The following RASGEF1C variants were observed in gnomAD, a reference collection of about 807,000 sequenced individuals.
RASGEF1C encodes the protein RasGEF domain family member 1C, also known as ras-GEF domain-containing family member 1C.
Under a neutral mutation model 58.1 loss-of-function variants are expected in RASGEF1C, and 27 were observed. The ratio of observed to expected loss-of-function variants is 0.46; its 90% CI spans 0.34 to 0.64. The LOEUF (loss-of-function observed/expected upper bound fraction) is 0.64. Among genes scored for constraint, RASGEF1C ranks in the 30% least tolerant of loss-of-function variants. The probability of loss-of-function intolerance (pLI) is 0.01; values close to 1 mark genes in which losing one functional copy is unlikely to be tolerated. For synonymous variants in RASGEF1C, 243 were observed against 246.3 expected (o/e 0.99, Z 0.13); for missense variants, 502 against 605.1 (o/e 0.83, Z 1.79).
chr5:180,203,406 G>A (rs1258067604), intron 1 of RASGEF1C, among the ~76,000 whole-genome samples: 1 of 152,234 alleles, frequency 6.6e-6, no homozygotes, highest in African/African-American at 2.4e-5. Context: ...GGAACTGGGG[G>A]TGACCCTAAC....
intron 11 of RASGEF1C, among the ~76,000 whole-genome samples, chr5:180,114,048 G>A (rs1161489300): frequency 6.6e-6 from 1 of 152,126 alleles, no homozygotes; most frequent in Admixed American, 6.5e-5. Flanking sequence ...CTCTGGCCTC[G>A]GCCTGATAGC....
At position 180,118,648 on chromosome 5, in the gene RASGEF1C, C is replaced by T. The variant is rs201724936; in HGVS notation, c.1044G>A (p.Ala348=). 353 of 1,613,624 alleles carry T rather than the reference C, an allele frequency of 2.2e-4. 1 individual carries two copies. Among genetic ancestry groups the T allele is most frequent in the Non-Finnish European group, 2.7e-4 (318 of 1,179,846 alleles). The change falls in exon 10 of 14, where the codon GCG becomes GCA. Residue 348 remains alanine (A), a synonymous_variant. Coordinates refer to ENST00000361132, the MANE Select transcript of RASGEF1C (RefSeq NM_175062.4). ...FCNYRTALRG[A]AHRSLTAHSS... ...TGTGGGCCGTCAGGGAGCGGTGGGC[C>T]GCCCCGCGCAGGGCTGTCCTGTAGT...
chr5:180,112,930 ATGGACGGAGGGACCGG>A (rs1765984209), intron 11 of RASGEF1C, among the ~76,000 whole-genome samples: 2 of 118,410 alleles, frequency 1.7e-5, no homozygotes, highest in African/African-American at 3.4e-5. Flanking sequence ...GGGATCCGGG[ATGGACGGAGGGACCGG>A]GGATGGACGG....
chr5:180,128,711 C>T (rs2113266891), intron 4 of RASGEF1C, 101 bp from the exon 5 acceptor site: 1 of 1,194,510 alleles, frequency 8.4e-7, no homozygotes, highest in South Asian at 1.3e-5. Context: ...AGGGTCTTTT[C>T]CTCAGGGTCT....
rs373871850 is a variant in RASGEF1C, at chr5:180,101,452, G to A, written c.*49C>T. On this transcript the variant is annotated 3_prime_UTR_variant, in exon 14 of 14. Coordinates refer to ENST00000361132, the MANE Select transcript of RASGEF1C (RefSeq NM_175062.4). Reference sequence around the variant, plus strand: ...ACTGGGCCACTGAGGCAGGGCTGTGGACGGCTTCTGCGGGCTCCAGCTCTT... The same window carrying A: ...ACTGGGCCACTGAGGCAGGGCTGTGAACGGCTTCTGCGGGCTCCAGCTCTT... 5.0e-6 allele frequency: 8 copies of A among 1,604,076 alleles called. No homozygotes were observed. The highest frequency in any genetic ancestry group is 5.1e-6 in the Non-Finnish European group (6 of 1,178,838).
chr5:180,163,231 C>CATTTTTTTTT, intron 1 of RASGEF1C, among the ~76,000 whole-genome samples: 1 of 19,458 alleles, frequency 5.1e-5, no homozygotes, highest in Non-Finnish European at 1.4e-4. Flanking sequence ...CACCCCCTCA[C>CATTTTTTTTT]TTTTTTTTTT....
chr5:180,149,078 CTTTTTTTTTCTTTTTTTTTTTTT>C (rs984821951), intron 1 of RASGEF1C, among the ~76,000 whole-genome samples: 1 of 97,154 alleles, frequency 1.0e-5, no homozygotes. Flanking sequence ...TTTTTCTTTT[CTTTTTTTTTCTTTTTTTTTTTTT>C]TTTTTGAGAC....
intron 13 of RASGEF1C, 94 bp downstream of exon 13, chr5:180,101,977 A>C (rs1765793211): frequency 6.9e-6 from 6 of 867,896 alleles, no homozygotes; most frequent in Non-Finnish European, 1.2e-5. Flanking sequence ...TCCTGGTCCC[A>C]AGCAGTCCCC....
At chr5:180,193,976 G>T (rs1756215904) in intron 1 of RASGEF1C, among the ~76,000 whole-genome samples, 1 of 149,134 alleles carries the variant, frequency 6.7e-6, no homozygotes, top group Non-Finnish European at 1.5e-5. Context: ...GGTGTGTGGT[G>T]ATTCACACTC....
intron 1 of RASGEF1C, among the ~76,000 whole-genome samples, chr5:180,200,880 C>T (rs1007914254): frequency 6.6e-6 from 1 of 151,972 alleles, no homozygotes; most frequent in Non-Finnish European, 1.5e-5. Context: ...GGTGAGGGCT[C>T]AGGGAGAGGC....
chr5:180,135,013 A>C (rs1766445487), intron 4 of RASGEF1C, among the ~76,000 whole-genome samples: 1 of 147,506 alleles, frequency 6.8e-6, no homozygotes, highest in Admixed American at 7.0e-5. Flanking sequence ...CCAGCCGGCC[A>C]GCCAGCACCC....
At chr5:180,195,739 T>C (rs1756262239) in intron 1 of RASGEF1C, among the ~76,000 whole-genome samples, 9 of 149,776 alleles carry the variant, frequency 6.0e-5, no homozygotes, top group Admixed American at 5.4e-4. Context: ...CACTCCAGCC[T>C]GGGCGACAGA....
intron 1 of RASGEF1C, among the ~76,000 whole-genome samples, chr5:180,142,649 G>A (rs557186109): frequency 4.6e-5 from 7 of 152,254 alleles, no homozygotes; most frequent in Admixed American, 4.6e-4. Flanking sequence ...TGAACACACG[G>A]TCATAACACA....
At chr5:180,117,499 A>G (rs1390331871) in intron 10 of RASGEF1C, among the ~76,000 whole-genome samples, 1 of 152,224 alleles carries the variant, frequency 6.6e-6, no homozygotes, top group African/African-American at 2.4e-5. Context: ...CGGGCCTTCA[A>G]AGGTACAACA....
At chr5:180,104,637 A>G (rs914664224) in intron 12 of RASGEF1C, among the ~76,000 whole-genome samples, 2 of 152,196 alleles carry the variant, frequency 1.3e-5, no homozygotes, top group Non-Finnish European at 2.9e-5. Context: ...CACTTTCTGG[A>G]AGAGATTGTG....
At chr5:180,104,760 G>A (rs1765847700) in intron 12 of RASGEF1C, among the ~76,000 whole-genome samples, 1 of 152,180 alleles carries the variant, frequency 6.6e-6, no homozygotes, top group South Asian at 2.1e-4. Context: ...TTATTTAATA[G>A]TCACAGGGCT....
chr5:180,131,641 C>T (rs1379358784), intron 4 of RASGEF1C, among the ~76,000 whole-genome samples: 1 of 152,216 alleles, frequency 6.6e-6, no homozygotes, highest in South Asian at 2.1e-4. Context: ...AGGAGGTGTC[C>T]ACCAGCGTCT....
intron 1 of RASGEF1C, among the ~76,000 whole-genome samples, chr5:180,144,364 A>G (rs527805726): frequency 6.6e-6 from 1 of 152,334 alleles, no homozygotes; most frequent in South Asian, 2.1e-4. Flanking sequence ...CACGGCCCCA[A>G]ATCAGAGCCC....
At chr5:180,114,083 C>A (rs1235468718) in intron 11 of RASGEF1C, among the ~76,000 whole-genome samples, 1 of 152,186 alleles carries the variant, frequency 6.6e-6, no homozygotes, top group African/African-American at 2.4e-5. Flanking sequence ...CAAGGCTCCG[C>A]CTTTGGGCTG....
Sources: gnomAD v4.1 joint callset for allele counts (sites outside exome capture counted in the v4.1 genomes callset) on GRCh38, gnomAD v4.1.1 for gene constraint, MANE v1.5 for transcripts, NCBI Gene and HGNC (gene_info 2026-07-23, HGNC 2026-07-21) for gene names.